The following ANKRD62 variants were observed in gnomAD, a reference collection of about 807,000 sequenced individuals.
ANKRD62 encodes ankyrin repeat domain 62.
ANKRD62 carries 61 observed loss-of-function variants against 98.8 expected under a neutral mutation model. That is an observed-to-expected ratio of 0.62 (90% CI 0.50 to 0.76). The LOEUF (loss-of-function observed/expected upper bound fraction) is 0.76, where lower values mean the gene tolerates loss of function less well. Among genes scored for constraint, ANKRD62 ranks in the 30% least tolerant of loss-of-function variants. The probability of loss-of-function intolerance (pLI) is 0.00; values close to 1 mark genes in which losing one functional copy is unlikely to be tolerated. For missense variants in ANKRD62, 933 were observed against 1,082.9 expected, an observed-to-expected ratio of 0.86 and a Z score of 1.94; for synonymous variants, 341 against 367.9, an observed-to-expected ratio of 0.93 and a Z score of 0.84.
At chr18:12,135,866 C>T in the ANKRD62 span, among the ~76,000 whole-genome samples, 1 of 152,008 alleles carries the variant, frequency 6.6e-6, no homozygotes, top group African/African-American at 2.4e-5. Flanking sequence ...TGTTCATATC[C>T]TTTGCCCACT....
In ANKRD62 at chr18:12,122,407, A is replaced by G. The variant is rs1909800124; in HGVS notation, c.1345A>G (p.Met449Val). ...CERLKVKFQK[M>V]KNNISVLQKV... ...ACGACTTAAAGTAAAATTTCAAAAA[A>G]TGAAAAATAATATTAGCGTACTACA... Residue 449 changes from methionine (M) to valine (V), a missense_variant, in exon 11 of 14, where the codon ATG (methionine) becomes GTG (valine). By Grantham distance (21) the Met-to-Val change is conservative. This residue lies in a region of ANKRD62 where 549 missense variants were observed against 587.9 expected (regional missense o/e 0.93). Coordinates refer to ENST00000587848, the MANE Select transcript of ANKRD62 (RefSeq NM_001277333.2). The G allele has an allele frequency of 6.5e-7, 1 of 1,535,594 alleles. No individual in the cohort carries two copies. The highest frequency in any genetic ancestry group is 8.7e-7 in the Non-Finnish European group (1 of 1,146,604).
At chr18:12,121,099 A>T (rs1159587165) in intron 10 of ANKRD62, among the ~76,000 whole-genome samples, 1 of 152,076 alleles carries the variant, frequency 6.6e-6, no homozygotes, top group Non-Finnish European at 1.5e-5. Context: ...TACGATTGTG[A>T]TCTGTGTTTA....
chr18:12,095,456 A>T lies in ANKRD62; in HGVS notation c.353A>T (p.Glu118Val). 5 of 1,574,292 alleles carry T rather than the reference A, an allele frequency of 3.2e-6. No homozygotes were observed. The highest frequency in any genetic ancestry group is 4.3e-6 in the Non-Finnish European group (5 of 1,165,042). ...ALIKAVQCQE[E>V]VCASILLEHG... ...TGACAGGCTGTACAATGTCAAGAAG[A>T]AGTTTGTGCATCCATCCTGCTGGAA... Residue 118 changes from glutamate (E) to valine (V), a missense_variant, in exon 3 of 14, where the codon GAA becomes GTA. Glu to Val is a moderately radical substitution (Grantham distance 121). Transcript: ENST00000587848.
At chr18:12,118,249 A>T (rs532931422) in intron 10 of ANKRD62, among the ~76,000 whole-genome samples, 59 of 152,268 alleles carry the variant, frequency 3.9e-4, no homozygotes, top group African/African-American at 1.4e-3. Flanking sequence ...GCAGCCACTG[A>T]TGTTTTTACC....
In ANKRD62 at chr18:12,096,253, T is replaced by C; in HGVS notation, c.565T>C (p.Phe189Leu). Reference protein sequence around the residue: ...VNRKKEQMVAFLLKKKPDLTA... With the variant: ...VNRKKEQMVALLLKKKPDLTA... ...TAGGAAAAAAGAGCAAATGGTGGCA[T>C]TTTTGTTGAAGAAAAAACCAGATTT... Residue 189 changes from phenylalanine (F) to leucine (L), a missense_variant, in exon 4 of 14, where the codon TTT becomes CTT. This residue lies in a region of ANKRD62 where 549 missense variants were observed against 587.9 expected (regional missense o/e 0.93). Transcript: ENST00000587848. 6.5e-7 allele frequency: 1 copy of C among 1,535,678 alleles called. No homozygotes were observed. The highest frequency in any genetic ancestry group is 8.7e-7 in the Non-Finnish European group (1 of 1,146,190).
At chr18:12,140,644 G>A in the ANKRD62 span, among the ~76,000 whole-genome samples, 9 of 152,294 alleles carry the variant, frequency 5.9e-5, no homozygotes, top group African/African-American at 2.2e-4. Context: ...TATCAGCAGC[G>A]GTGGCTGCAC....
At chr18:12,145,259 G>A in the ANKRD62 span, among the ~76,000 whole-genome samples, 1 of 152,156 alleles carries the variant, frequency 6.6e-6, no homozygotes, top group Non-Finnish European at 1.5e-5. Flanking sequence ...CCTTCTGGGA[G>A]GTCCCACTGC....
Position 12,115,380 on chromosome 18 carries a change from A to G in ANKRD62, c.1099-13A>G, listed in dbSNP as rs1909639693. On this transcript the variant is annotated splice_polypyrimidine_tract_variant and intron_variant, in intron 9 of 13. Coordinates refer to ENST00000587848, the MANE Select transcript of ANKRD62 (RefSeq NM_001277333.2). The stretch of plus-strand genomic sequence containing the variant: ...TTCGAGGGCATTTTGAAACAGTGTT[A>G]TTTATTTTATAGGTTAAAAGCCAAA... The G allele has an allele frequency of 9.2e-6, 14 of 1,524,126 alleles. No homozygotes were observed. Among genetic ancestry groups the G allele is most frequent in the Non-Finnish European group, 7.9e-6 (9 of 1,140,224 alleles). The allele number at this position is 1,524,126 out of a possible 1,614,324, so 94.4% of individuals were successfully genotyped here.
chr18:12,105,318 T>A (rs1181240864), intron 7 of ANKRD62, among the ~76,000 whole-genome samples: 1 of 152,222 alleles, frequency 6.6e-6, no homozygotes, highest in East Asian at 1.9e-4. Flanking sequence ...TGCATTCTTC[T>A]CCACCACACA....
the ANKRD62 span, among the ~76,000 whole-genome samples, chr18:12,158,309 C>T: frequency 1.3e-5 from 2 of 152,176 alleles, no homozygotes; most frequent in Non-Finnish European, 2.9e-5. Context: ...CCAGAGTCCC[C>T]TTCTGTCTGG....
intron 13 of ANKRD62, 73 bp from the exon 14 acceptor site, chr18:12,127,675 G>A: frequency 8.6e-7 from 1 of 1,156,242 alleles, no homozygotes; most frequent in Admixed American, 3.6e-5. Context: ...GTGTATATTA[G>A]AGTTAAATAT....
At position 12,097,793 on chromosome 18, in the gene ANKRD62, G is replaced by C. The variant is rs534083396; in HGVS notation, c.752+16G>C. ...AGTTTCAAGCGTAAGTGTTAAAAAG[G>C]CTAGTGAACACTAAATTGAGGTTTA... On this transcript the variant is annotated intron_variant, in intron 5 of 13. Transcript: ENST00000587848. 3.5e-5 allele frequency: 53 copies of C among 1,534,164 alleles called. No homozygotes were observed. In the African/African-American group the frequency reaches 6.6e-4, roughly 19 times the overall value.
chr18:12,137,281 C>A, the ANKRD62 span, among the ~76,000 whole-genome samples: 10 of 152,212 alleles, frequency 6.6e-5, no homozygotes, highest in Middle Eastern at 3.4e-3. Flanking sequence ...TTCTCAAAGG[C>A]CTTTTCTGCA....
At chr18:12,141,137 G>A in the ANKRD62 span, among the ~76,000 whole-genome samples, 37 of 152,354 alleles carry the variant, frequency 2.4e-4, no homozygotes, top group African/African-American at 7.2e-4. Flanking sequence ...CTCTGTGGGC[G>A]TAGGACTCTC....
At chr18:12,156,058 T>TTTCTCTCTCTCTCTCTCC in the ANKRD62 span, among the ~76,000 whole-genome samples, 2 of 151,742 alleles carry the variant, frequency 1.3e-5, no homozygotes, top group Non-Finnish European at 2.9e-5. Context: ...TCTCTCTCTC[T>TTTCTCTCTCTCTCTCTCC]TTCTCTCTCT....
chr18:12,159,630 A>G, the ANKRD62 span, among the ~76,000 whole-genome samples: 1 of 152,208 alleles, frequency 6.6e-6, no homozygotes, highest in African/African-American at 2.4e-5. Flanking sequence ...TGTGTTGAGA[A>G]GAATGTTGTA....
In ANKRD62 at chr18:12,124,281, G is replaced by A; in HGVS notation, c.1599G>A (p.Leu533=). 7.6e-7 allele frequency: 1 copy of A among 1,321,648 alleles called. No individual in the cohort carries two copies. Among genetic ancestry groups the A allele is most frequent in the South Asian group, 1.4e-5 (1 of 71,248 alleles). 81.9% of individuals were successfully genotyped at this position (1,321,648 alleles called of 1,614,324 possible). Residue 533 remains leucine, a synonymous_variant, in exon 12 of 14, where the codon TTG becomes TTA. Transcript: ENST00000587848. The part of the protein sequence containing the change: ...KKQSKLTLKS[L]EVELKTVRSN... ...AATCTAAACTGACTCTCAAATCATT[G>A]GAAGTGGAATTGAAGACTGTAAGAA... is the stretch of plus-strand genomic sequence containing the variant.
the ANKRD62 span, among the ~76,000 whole-genome samples, chr18:12,159,379 A>G: frequency 2.0e-5 from 3 of 152,216 alleles, no homozygotes; most frequent in Non-Finnish European, 4.4e-5. Context: ...AATGAATTTA[A>G]TGTACAAAAT....
At chr18:12,145,217 C>T in the ANKRD62 span, among the ~76,000 whole-genome samples, 14 of 152,214 alleles carry the variant, frequency 9.2e-5, no homozygotes, top group Admixed American at 6.5e-5. Flanking sequence ...ATGGCTAAGT[C>T]ACCCAAGTGG....
Sources: allele counts gnomAD v4.1 joint callset (sites outside exome capture counted in the v4.1 genomes callset), GRCh38; gene constraint gnomAD v4.1.1; regional missense constraint gnomAD v4.1.1; transcripts MANE v1.5; gene names NCBI Gene and HGNC (gene_info 2026-07-23, HGNC 2026-07-21).